The following SDCBP2 variants were observed in gnomAD, a reference collection of about 807,000 sequenced individuals.
The protein encoded by SDCBP2 is syntenin-2.
In SDCBP2, 28 loss-of-function variants were observed where a neutral mutation model predicts 30.7. The ratio of observed to expected loss-of-function variants is 0.91; its 90% confidence interval spans 0.68 to 1.25. The LOEUF (loss-of-function observed/expected upper bound fraction) is 1.25, where lower values mean the gene tolerates loss of function less well. Ranked by LOEUF, SDCBP2 falls within the 50% of genes most tolerant of loss-of-function variation. The pLI is 0.00. For missense variants in SDCBP2, 399 were observed against 379.0 expected, an observed-to-expected ratio of 1.05 and a Z score of -0.44; for synonymous variants, 166 against 157.3, an observed-to-expected ratio of 1.06 and a Z score of -0.41.
intron 1 of SDCBP2, chr20:1,323,360 C>G (rs1046856512): frequency 6.6e-6 from 1 of 152,258 alleles, no homozygotes; most frequent in Non-Finnish European, 1.5e-5. Flanking sequence ...CACGCATGAA[C>G]AGCAGATGCG....
intron 4 of SDCBP2, among the ~76,000 whole-genome samples, chr20:1,314,664 C>T (rs566080042): frequency 6.1e-4 from 90 of 147,884 alleles, no homozygotes; most frequent in African/African-American, 2.1e-3. Flanking sequence ...AGACCAAGGC[C>T]GGAGGACCAC....
intron 3 of SDCBP2, 32 bp from the exon 4 acceptor site, chr20:1,318,450 C>A: frequency 2.2e-6 from 3 of 1,384,666 alleles, no homozygotes; most frequent in South Asian, 2.6e-5. Flanking sequence ...ATAAATGTGT[C>A]ATTAGAGGAC....
chr20:1,313,682 G>A lies in SDCBP2; in HGVS notation c.226-184C>T. On this transcript the variant is annotated intron_variant, in intron 4 of 8. Coordinates refer to ENST00000360779, the MANE Select transcript of SDCBP2 (RefSeq NM_080489.5). The surrounding 1 kb of genome is among the most constrained non-coding windows in gnomAD (Gnocchi z 5.2). Reference sequence around the variant, plus strand: ...CGTGGCTCCACGCGGCCACTAGGGGGCGTCAAAGTCCATGCCCTTAAAAAG... The same window carrying A: ...CGTGGCTCCACGCGGCCACTAGGGGACGTCAAAGTCCATGCCCTTAAAAAG... 8.0e-6 allele frequency: 11 copies of A among 1,373,348 alleles called. No individual in the cohort carries two copies. The highest frequency in any genetic ancestry group is 1.0e-5 in the Non-Finnish European group (11 of 1,065,266). 85.1% of individuals were successfully genotyped at this position (1,373,348 alleles called of 1,614,324 possible).
chr20:1,312,398 T>C lies in SDCBP2; in HGVS notation c.671A>G (p.Asn224Ser), dbSNP rs1454013977. ...SLVKGSSAAR[N>S]GLLTNHYVCE... ...CACGTAGTGGTTGGTGAGGAGCCCG[T>C]TGCGGGCCGCAGAACTCCCTTTGAC... Residue 224 changes from asparagine to serine, a missense_variant, in exon 7 of 9, where the codon AAC becomes AGC. Asn to Ser is a conservative substitution (Grantham distance 46, BLOSUM62 1). Transcript: ENST00000360779. 3.1e-6 allele frequency: 5 copies of C among 1,613,560 alleles called. No individual in the cohort carries two copies. Among genetic ancestry groups the C allele is most frequent in the Non-Finnish European group, 4.2e-6 (5 of 1,179,834 alleles).
Position 1,312,613 on chromosome 20 carries a change from A to G in SDCBP2, c.534T>C (p.Asp178=), listed in dbSNP as rs775542351. 3 of 1,614,052 alleles carry G rather than the reference A, an allele frequency of 1.9e-6. No individual in the cohort carries two copies. In the South Asian group the frequency reaches 3.3e-5, roughly 18 times the overall value. ...TGTCCCGAACCACCACGACAATCTT[A>G]TCGCCTGATGCCTTCTTCACCACCT... ...AHQVVKKASG[D]KIVVVVRDRP... The change falls in exon 6 of 9, where the codon GAT becomes GAC. Residue 178 remains aspartate, a synonymous_variant. Transcript: ENST00000360779.
chr20:1,310,698 T>G, intron 8 of SDCBP2, 102 bp downstream of exon 8: 1 of 1,130,180 alleles, frequency 8.8e-7, no homozygotes, highest in Non-Finnish European at 1.3e-6. Flanking sequence ...GTGTCAGCAC[T>G]GAGAAAGTGG....
chr20:1,312,723 A>C lies in SDCBP2; in HGVS notation c.424T>G (p.Ser142Ala). The change falls in exon 6 of 9, where the codon TCC (serine) becomes GCC (alanine). Residue 142 changes from serine (S) to alanine (A), a missense_variant. Physicochemically the swap from Ser to Ala is moderately conservative, Grantham distance 99. Coordinates refer to ENST00000360779, the MANE Select transcript of SDCBP2 (RefSeq NM_080489.5). ...VQLVQANTPA[S>A]LVGLRFGDQL... ...TCCCCAAAGCGCAGCCCCACAAGGG[A>C]TGCAGGGGTGTTGGCCTGGACCAAC... 1.2e-6 allele frequency: 2 copies of C among 1,613,912 alleles called. No individual in the cohort carries two copies. The highest frequency in any genetic ancestry group is 1.7e-6 in the Non-Finnish European group (2 of 1,179,982).
intron 1 of SDCBP2, chr20:1,325,447 C>G (rs964424017): frequency 1.3e-5 from 2 of 152,238 alleles, no homozygotes; most frequent in African/African-American, 2.4e-5. Flanking sequence ...GCCTCCTTGC[C>G]GCTTGCGTTA....
chr20:1,327,785 G>A (rs1436533857), intron 1 of SDCBP2, among the ~76,000 whole-genome samples: 1 of 152,260 alleles, frequency 6.6e-6, no homozygotes, highest in Non-Finnish European at 1.5e-5. Context: ...ACAGCACCTA[G>A]CACATAATAG....
chr20:1,314,508 A>AAAAAAGG (rs2088742543), intron 4 of SDCBP2, among the ~76,000 whole-genome samples: 1 of 144,396 alleles, frequency 6.9e-6, no homozygotes, highest in Non-Finnish European at 1.5e-5. Context: ...AAAAAAAAAA[A>AAAAAAGG]AAAGGAAAGG....
chr20:1,312,720 G>A lies in SDCBP2; in HGVS notation c.427C>T (p.Leu143Phe), dbSNP rs1239575948. The change falls in exon 6 of 9, where the codon CTT becomes TTT. Residue 143 changes from leucine to phenylalanine, a missense_variant. Physicochemically the swap from Leu to Phe is conservative, Grantham distance 22. Transcript: ENST00000360779. ...QLVQANTPAS[L>F]VGLRFGDQLL... The stretch of plus-strand genomic sequence containing the variant: ...TGGTCCCCAAAGCGCAGCCCCACAA[G>A]GGATGCAGGGGTGTTGGCCTGGACC... The A allele has an allele frequency of 2.5e-6, 4 of 1,613,950 alleles. No individual in the cohort carries two copies. The South Asian group carries it at 4.4e-5, about 18-fold the overall frequency.
At chr20:1,317,018 A>G (rs2088787260) in intron 4 of SDCBP2, among the ~76,000 whole-genome samples, 1 of 152,212 alleles carries the variant, frequency 6.6e-6, no homozygotes, top group African/African-American at 2.4e-5. Flanking sequence ...GATTCCACTT[A>G]TGTAACATTC....
At chr20:1,319,774 T>TG (rs1261253578) in intron 2 of SDCBP2, 115 bp from the exon 3 acceptor site, 2 of 809,570 alleles carry the variant, frequency 2.5e-6, no homozygotes. Context: ...GCCCGGGGTG[T>TG]GGGGGGAGTG....
chr20:1,328,820 A>G (rs1484681707), intron 1 of SDCBP2, among the ~76,000 whole-genome samples: 3 of 147,116 alleles, frequency 2.0e-5, no homozygotes, highest in African/African-American at 7.6e-5. Flanking sequence ...CCTTGAGCAC[A>G]GTCATGGGCA....
In SDCBP2 at chr20:1,319,633, C is replaced by A; in HGVS notation, c.81G>T (p.Met27Ile). 4 of 1,569,298 alleles carry A rather than the reference C, an allele frequency of 2.5e-6. No individual in the cohort carries two copies. Among genetic ancestry groups the A allele is most frequent in the Non-Finnish European group, 3.5e-6 (4 of 1,156,624 alleles). The part of the protein sequence containing the change: ...IQAQVRASPK[M>I]PALPVQATAI... ...CTGTTGCCTGGACTGGCAGGGCTGGCATCTTGGGTGAGGCTCTGACCTGGG... is the reference window on the plus strand; with the variant it reads ...CTGTTGCCTGGACTGGCAGGGCTGGAATCTTGGGTGAGGCTCTGACCTGGG... Residue 27 changes from methionine to isoleucine, a missense_variant, in exon 3 of 9, where the codon ATG (methionine) becomes ATT (isoleucine). Met to Ile is a conservative substitution (Grantham distance 10). Coordinates refer to ENST00000360779, the MANE Select transcript of SDCBP2 (RefSeq NM_080489.5).
Position 1,313,202 on chromosome 20 carries a change from G to A in SDCBP2, c.384+138C>T, listed in dbSNP as rs2088707754. The A allele has an allele frequency of 2.2e-6, 2 of 913,958 alleles. No individual in the cohort carries two copies. Among genetic ancestry groups the A allele is most frequent in the Non-Finnish European group, 3.3e-6 (2 of 599,270 alleles). The allele number at this position is 913,958 out of a possible 1,614,324, so 56.6% of individuals were successfully genotyped here. On this transcript the variant is annotated intron_variant, in intron 5 of 8. Transcript: ENST00000360779. The surrounding 1 kb of genome is among the most constrained non-coding windows in gnomAD (Gnocchi z 5.2). ...CCGGGTCTCGGGGAGGAGGGACTGG[G>A]GGCAAGAGCCTGGCCGCTGGGGTTA...
intron 1 of SDCBP2, among the ~76,000 whole-genome samples, chr20:1,327,161 C>A (rs181009845): frequency 6.6e-6 from 1 of 152,320 alleles, no homozygotes; most frequent in Admixed American, 6.5e-5. Flanking sequence ...ATTTTCCTCT[C>A]CCACAGCCCT....
chr20:1,319,086 C>T (rs571227860), intron 3 of SDCBP2, among the ~76,000 whole-genome samples: 1 of 152,328 alleles, frequency 6.6e-6, no homozygotes, highest in East Asian at 1.9e-4. Flanking sequence ...ATCTGCCGTC[C>T]ACTTCTTCCC....
At chr20:1,318,872 C>G (rs1183600394) in intron 3 of SDCBP2, among the ~76,000 whole-genome samples, 1 of 152,166 alleles carries the variant, frequency 6.6e-6, no homozygotes, top group Non-Finnish European at 1.5e-5. Flanking sequence ...AGGACTCAGC[C>G]AGAGGGTGGC....
Sources: gnomAD v4.1 joint callset for allele counts (sites outside exome capture counted in the v4.1 genomes callset) on GRCh38, gnomAD v4.1.1 for gene constraint, Gnocchi (gnomAD v3.1) non-coding constraint, MANE v1.5 for transcripts, NCBI Gene and HGNC (gene_info 2026-07-23, HGNC 2026-07-21) for gene names.